The following ABI3BP variants were observed in gnomAD, a reference collection of about 807,000 sequenced individuals.
ABI3BP encodes ABI family member 3 binding protein, also known as target of Nesh-SH3.
Under a neutral mutation model 268.6 loss-of-function variants are expected in ABI3BP, and 216 were observed. The ratio of observed to expected loss-of-function variants is 0.80; its 90% CI spans 0.72 to 0.90. The LOEUF is 0.90. ABI3BP is among the 40% of genes least tolerant of loss of function. ABI3BP has a pLI of 0.00. For synonymous variants in ABI3BP, 730 were observed against 730.0 expected (o/e 1.00, Z 0.00); for missense variants, 2,090 against 2,182.4 (o/e 0.96, Z 0.84).
Position 100,780,207 on chromosome 3 carries a change from C to A in ABI3BP, c.4165G>T (p.Val1389Phe). 1.2e-6 allele frequency: 2 copies of A among 1,612,160 alleles called. No homozygotes were observed. The highest frequency in any genetic ancestry group is 1.7e-6 in the Non-Finnish European group (2 of 1,178,836). ...MPSGNGVGTG[V>F]KQAPRPSGAD... Reference sequence around the variant, plus strand: ...CCTGATGGCCTGGGTGCTTGCTTGACCCCTATGAGCAGAGATAATGAAAGG... The same window carrying A: ...CCTGATGGCCTGGGTGCTTGCTTGAACCCTATGAGCAGAGATAATGAAAGG... The change falls in exon 58 of 68, where the codon GTC becomes TTC. Residue 1389 changes from valine (V) to phenylalanine (F), a missense_variant and splice_region_variant. Coordinates refer to ENST00000471714, the MANE Select transcript of ABI3BP (RefSeq NM_001375547.2).
At chr3:100,986,536 A>G (rs959813552) in intron 1 of ABI3BP, among the ~76,000 whole-genome samples, 3 of 152,040 alleles carry the variant, frequency 2.0e-5, no homozygotes, top group Admixed American at 2.0e-4. Flanking sequence ...GCACAATCTC[A>G]GCTCACTGCA....
Position 100,829,686 on chromosome 3 carries a change from T to A in ABI3BP, c.2459-22A>T, listed in dbSNP as rs146391287. The stretch of plus-strand genomic sequence containing the variant: ...GGAGCTAAAGGAAGAAAACTTCAGG[T>A]TAATACAGCGTGTTTGGTTCCGGAA... On this transcript the variant is annotated intron_variant, in intron 32 of 67. Coordinates refer to ENST00000471714, the MANE Select transcript of ABI3BP (RefSeq NM_001375547.2). The A allele has an allele frequency of 6.2e-5, 94 of 1,515,342 alleles. No homozygotes were observed. The East Asian group carries it at 2.2e-3, about 35-fold the overall frequency. 93.9% of individuals were successfully genotyped at this position (1,515,342 alleles called of 1,614,324 possible). A position where few individuals can be genotyped will look rare whatever the true frequency, so the allele number is the denominator to read the frequency against.
In ABI3BP at chr3:100,840,178, A is replaced by T; in HGVS notation, c.1805-14T>A. ...TCTTTCGTGGTGCTGAAGAAAGAAA[A>T]TTAGCAAGTTAATACAAGAAGGGTG... On this transcript the variant is annotated splice_polypyrimidine_tract_variant and intron_variant, in intron 22 of 67. Coordinates refer to ENST00000471714, the MANE Select transcript of ABI3BP (RefSeq NM_001375547.2). 1.3e-6 allele frequency: 2 copies of T among 1,519,646 alleles called. No individual in the cohort carries two copies. Among genetic ancestry groups the T allele is most frequent in the Non-Finnish European group, 1.8e-6 (2 of 1,139,566 alleles). The allele number at this position is 1,519,646 out of a possible 1,614,324, so 94.1% of individuals were successfully genotyped here.
intron 1 of ABI3BP, among the ~76,000 whole-genome samples, chr3:100,940,274 G>A (rs756784608): frequency 2.0e-5 from 3 of 152,032 alleles, no homozygotes; most frequent in African/African-American, 2.4e-5. Context: ...AAGTGTCCAC[G>A]AAATCTTCAC....
At chr3:100,955,854 C>T (rs1382950420) in intron 1 of ABI3BP, among the ~76,000 whole-genome samples, 1 of 152,038 alleles carries the variant, frequency 6.6e-6, no homozygotes, top group Non-Finnish European at 1.5e-5. Flanking sequence ...AGTTTACATT[C>T]TAGTGAGAAG....
intron 39 of ABI3BP, among the ~76,000 whole-genome samples, chr3:100,820,834 CA>C (rs2098196578): frequency 1.3e-5 from 2 of 152,058 alleles, no homozygotes; most frequent in African/African-American, 4.8e-5. Flanking sequence ...GTTACATAGC[CA>C]AAACATAGAC....
intron 1 of ABI3BP, among the ~76,000 whole-genome samples, chr3:100,946,772 G>A: frequency 6.7e-6 from 1 of 148,432 alleles, no homozygotes; most frequent in Admixed American, 6.8e-5. Context: ...TGGGCAACAA[G>A]AGTGAAACTC....
rs1226222365 is a variant in ABI3BP, at chr3:100,898,902, G to A, written c.329-8C>T. 1 of 1,607,384 alleles carries A rather than the reference G, an allele frequency of 6.2e-7. No individual in the cohort carries two copies. ...TGCGAGAACGAGTTTTACCTGTGGA[G>A]GTGGCATAGAGGTTAATAATTCAGG... On this transcript the variant is annotated splice_region_variant and splice_polypyrimidine_tract_variant and intron_variant, in intron 3 of 67. Coordinates refer to ENST00000471714, the MANE Select transcript of ABI3BP (RefSeq NM_001375547.2).
intron 1 of ABI3BP, among the ~76,000 whole-genome samples, chr3:100,951,047 T>A (rs749709923): frequency 6.6e-6 from 1 of 151,960 alleles, no homozygotes; most frequent in Non-Finnish European, 1.5e-5. Context: ...TAACAAAATA[T>A]CTATTATTTC....
At chr3:100,919,230 C>G (rs1292689684) in intron 2 of ABI3BP, among the ~76,000 whole-genome samples, 1 of 152,002 alleles carries the variant, frequency 6.6e-6, no homozygotes, top group Non-Finnish European at 1.5e-5. Flanking sequence ...TATTTTCAAC[C>G]CCTATTTCTG....
intron 14 of ABI3BP, 78 bp from the exon 15 acceptor site, chr3:100,852,018 CATGTTGTA>C: frequency 7.7e-7 from 1 of 1,298,160 alleles, no homozygotes; most frequent in South Asian, 1.4e-5. Context: ...GATTACATGA[CATGTTGTA>C]ATGCTGGTTG....
chr3:100,867,074 G>A (rs747126177), intron 9 of ABI3BP, 118 bp from the exon 10 acceptor site: 2 of 701,126 alleles, frequency 2.9e-6, no homozygotes, highest in African/African-American at 3.6e-5. Context: ...CCACCAGCCA[G>A]TCAACAACTT....
At chr3:100,879,441 GAA>G (rs1360400804) in intron 6 of ABI3BP, among the ~76,000 whole-genome samples, 1 of 152,180 alleles carries the variant, frequency 6.6e-6, no homozygotes, top group Non-Finnish European at 1.5e-5. Flanking sequence ...TGTTGAATGC[GAA>G]GTCTTTCCAA....
At chr3:100,905,318 G>C (rs2052846628) in intron 2 of ABI3BP, among the ~76,000 whole-genome samples, 1 of 152,078 alleles carries the variant, frequency 6.6e-6, no homozygotes, top group Admixed American at 6.5e-5. Flanking sequence ...GCTAAATGAC[G>C]AGTTACTGGG....
intron 57 of ABI3BP, among the ~76,000 whole-genome samples, chr3:100,786,395 T>C (rs1002299716): frequency 3.3e-5 from 5 of 152,204 alleles, no homozygotes; most frequent in African/African-American, 1.2e-4. Flanking sequence ...GATATCCATT[T>C]GTAATACAAG....
chr3:100,911,683 G>T (rs967524179), intron 2 of ABI3BP: 1 of 753,848 alleles, frequency 1.3e-6, no homozygotes, highest in Non-Finnish European at 2.5e-6. Context: ...GAAATATCCA[G>T]ATTGGCAACC....
At chr3:100,906,858 C>T (rs527965183) in intron 2 of ABI3BP, among the ~76,000 whole-genome samples, 7 of 152,270 alleles carry the variant, frequency 4.6e-5, no homozygotes, top group East Asian at 1.9e-4. Flanking sequence ...CATTAGAGGA[C>T]GCCTGCATTG....
chr3:100,978,558 C>T lies in ABI3BP; in HGVS notation c.79+14748G>A, dbSNP rs145962678. Among the ~76,000 whole-genome samples the T allele has an allele frequency of 2.5e-3, 381 of 152,322 alleles. 1 individual carries two copies. The highest frequency in any genetic ancestry group is 8.8e-3 in the African/African-American group (364 of 41,570). On this transcript the variant is annotated intron_variant, in intron 1 of 67. Coordinates refer to ENST00000471714, the MANE Select transcript of ABI3BP (RefSeq NM_001375547.2). ...CAAACAAGGTTATGTCAAGCGAGTGCTGCCCAGGGCTCCAGCTAGCTATGG... is the reference window on the plus strand; with the variant it reads ...CAAACAAGGTTATGTCAAGCGAGTGTTGCCCAGGGCTCCAGCTAGCTATGG...
chr3:100,881,681 A>AT (rs1268945907), intron 6 of ABI3BP, among the ~76,000 whole-genome samples: 5 of 151,638 alleles, frequency 3.3e-5, no homozygotes, highest in Non-Finnish European at 7.4e-5. Flanking sequence ...AAATGGAAAA[A>AT]AAAAGCACAA....
Sources: allele counts gnomAD v4.1 joint callset (sites outside exome capture counted in the v4.1 genomes callset), GRCh38; gene constraint gnomAD v4.1.1; transcripts MANE v1.5; gene names NCBI Gene and HGNC (gene_info 2026-07-23, HGNC 2026-07-21).